Variants in CABIN1 observed in about 807,000 individuals in gnomAD.
CABIN1 encodes calcineurin-binding protein cabin-1.
A neutral mutation model predicts 227.7 loss-of-function variants in CABIN1; 133 were observed. The ratio of observed to expected loss-of-function variants is 0.58; its 90% CI spans 0.51 to 0.67. The LOEUF (loss-of-function observed/expected upper bound fraction) is 0.67. Among genes scored for constraint, CABIN1 ranks in the 30% least tolerant of loss-of-function variants. The probability of loss-of-function intolerance (pLI) is 0.00; values close to 1 mark genes in which losing one functional copy is unlikely to be tolerated. For synonymous variants in CABIN1, 1,086 were observed against 1,155.1 expected, an observed-to-expected ratio of 0.94 and a Z score of 1.21; for missense variants, 2,408 against 2,852.5, an observed-to-expected ratio of 0.84 and a Z score of 3.55.
chr22:24,085,226 T>C (rs2041074329), intron 22 of CABIN1, 75 bp downstream of exon 22: 5 of 1,495,870 alleles, frequency 3.3e-6, no homozygotes, highest in African/African-American at 1.4e-5. Context: ...AGCTCTTCAG[T>C]GGGCCACTTT....
chr22:24,081,914 C>G (rs1409295066), intron 19 of CABIN1, among the ~76,000 whole-genome samples: 1 of 152,032 alleles, frequency 6.6e-6, no homozygotes, highest in Non-Finnish European at 1.5e-5. Flanking sequence ...GTAGTCCTAG[C>G]TACTTGGGAG....
At chr22:24,074,740 C>G (rs1454691118) in intron 18 of CABIN1, among the ~76,000 whole-genome samples, 1 of 152,172 alleles carries the variant, frequency 6.6e-6, no homozygotes, top group Non-Finnish European at 1.5e-5. Context: ...GCGGAGGAAG[C>G]AGAATTGGGC....
chr22:24,166,595 G>A (rs1427544722), intron 31 of CABIN1, 44 bp from the exon 32 acceptor site: 2 of 1,611,586 alleles, frequency 1.2e-6, no homozygotes, highest in South Asian at 1.1e-5. Context: ...TCATTGCAGT[G>A]GAGACACCAG....
chr22:24,109,312 C>T (rs2042685034), intron 26 of CABIN1, among the ~76,000 whole-genome samples: 1 of 151,476 alleles, frequency 6.6e-6, no homozygotes, highest in South Asian at 2.1e-4. Context: ...GCAGCCTCAA[C>T]CTCCTGGGCT....
At chr22:24,019,647 AC>A (rs1278185142) in intron 1 of CABIN1, among the ~76,000 whole-genome samples, 5 of 106,724 alleles carry the variant, frequency 4.7e-5, no homozygotes, top group Non-Finnish European at 9.6e-5. Flanking sequence ...GCTTTTCTTT[AC>A]CCTTTTTTTT....
Position 24,067,086 on chromosome 22 carries a change from C to T in CABIN1, c.2137C>T (p.Arg713Cys), listed in dbSNP as rs372897703. 1.9e-5 allele frequency: 31 copies of T among 1,614,068 alleles called. No individual in the cohort carries two copies. Among genetic ancestry groups the T allele is most frequent in the South Asian group, 8.8e-5 (8 of 91,094 alleles). The change falls in exon 16 of 37, where the codon CGC (arginine) becomes TGC (cysteine). Residue 713 changes from arginine (R) to cysteine (C), a missense_variant. Arg to Cys is a radical substitution (Grantham distance 180). This residue lies in a region of CABIN1 where 1,045 missense variants were observed against 1,168.4 expected (regional missense o/e 0.89). Coordinates refer to ENST00000263119, the MANE Select transcript of CABIN1 (RefSeq NM_012295.4). ...CTACAAGGCTGTTGTGCATCTGCTCCGCCCCACTTTGTGCACCAGTGGGTT... is the reference window on the plus strand; with the variant it reads ...CTACAAGGCTGTTGTGCATCTGCTCTGCCCCACTTTGTGCACCAGTGGGTT... ...GDYKAVVHLL[R>C]PTLCTSGFDR...
intron 7 of CABIN1, 143 bp downstream of exon 7, chr22:24,049,363 C>T (rs748416616): frequency 9.7e-7 from 1 of 1,029,136 alleles, no homozygotes; most frequent in Non-Finnish European, 1.5e-6. Flanking sequence ...AGCCCCTGAT[C>T]TAGTGAACTG....
intron 34 of CABIN1, chr22:24,175,836 C>G (rs1268056179): frequency 3.6e-6 from 2 of 557,974 alleles, no homozygotes; most frequent in South Asian, 4.0e-5. Flanking sequence ...CTCGAAGACT[C>G]AGGTGTGGCC....
chr22:24,014,845 A>G (rs1161146465), intron 1 of CABIN1, among the ~76,000 whole-genome samples: 1 of 152,154 alleles, frequency 6.6e-6, no homozygotes, highest in Non-Finnish European at 1.5e-5. Flanking sequence ...TAACTTTGGT[A>G]TCTGGATTAT....
chr22:24,034,478 C>A (rs1361208812), intron 1 of CABIN1, among the ~76,000 whole-genome samples: 1 of 152,146 alleles, frequency 6.6e-6, no homozygotes, highest in East Asian at 1.9e-4. Context: ...TTTATATGGA[C>A]ATACTTCATT....
intron 29 of CABIN1, among the ~76,000 whole-genome samples, chr22:24,150,331 G>A (rs2267066): frequency 0.25 from 37,883 of 152,138 alleles, 5,334 homozygotes; most frequent in East Asian, 0.39. Context: ...GGAGGCCTGC[G>A]CTGACCTTGC....
intron 1 of CABIN1, among the ~76,000 whole-genome samples, chr22:24,022,116 G>T (rs116423235): frequency 0.014 from 2,083 of 151,932 alleles, 45 homozygotes; most frequent in African/African-American, 0.047. Context: ...CCTTTTATTA[G>T]AATTTTTTTA....
rs181934556 is a variant in CABIN1, at chr22:24,113,713, C to T, written c.4265C>T (p.Thr1422Met). 21 of 1,613,920 alleles carry T rather than the reference C, an allele frequency of 1.3e-5. No individual in the cohort carries two copies. The highest frequency in any genetic ancestry group is 1.1e-4 in the African/African-American group (8 of 75,042). Reference protein sequence around the residue: ...LPILSSQAGATGKDLQGATEE... With the variant: ...LPILSSQAGAMGKDLQGATEE... ...ATTCTCAGTTCCCAAGCAGGAGCGA[C>T]GGGTAAAGATCTTCAGGGGGCCACA... The change falls in exon 27 of 37, where the codon ACG becomes ATG. Residue 1422 changes from threonine to methionine, a missense_variant. Transcript: ENST00000263119.
In CABIN1 at chr22:24,137,949, T is replaced by A. The variant is rs1300951372; in HGVS notation, c.4746+3534T>A. ...CACTGGGGTTTACTGCTTAGTCTAGTGGGAAGCAAAGGCAGTAGGTGGGTG... is the reference window on the plus strand; with the variant it reads ...CACTGGGGTTTACTGCTTAGTCTAGAGGGAAGCAAAGGCAGTAGGTGGGTG... On this transcript the variant is annotated intron_variant, in intron 29 of 36. Transcript: ENST00000263119. Among the ~76,000 whole-genome samples, 5 of 152,072 alleles carry A rather than the reference T, an allele frequency of 3.3e-5. No individual in the cohort carries two copies. The East Asian group carries it at 9.7e-4, about 29-fold the overall frequency.
intron 1 of CABIN1, among the ~76,000 whole-genome samples, chr22:24,028,279 A>G (rs2146757932): frequency 6.6e-6 from 1 of 152,368 alleles, no homozygotes; most frequent in South Asian, 2.1e-4. Context: ...TCAAAAACAC[A>G]GTACCTGTGA....
intron 33 of CABIN1, 172 bp downstream of exon 33, chr22:24,168,693 G>T (rs573058628): frequency 5.6e-6 from 4 of 710,460 alleles, no homozygotes; most frequent in African/African-American, 3.5e-5. Flanking sequence ...GCCATAGTGG[G>T]CAGGAACTTG....
At chr22:24,033,461 C>T (rs535723807) in intron 1 of CABIN1, among the ~76,000 whole-genome samples, 2 of 152,328 alleles carry the variant, frequency 1.3e-5, no homozygotes, top group African/African-American at 4.8e-5. Flanking sequence ...TGTCCAGCCC[C>T]TAGCAGTTAT....
chr22:24,083,068 A>C (rs985501965), intron 19 of CABIN1, among the ~76,000 whole-genome samples, 160 bp from the exon 20 acceptor site: 2 of 152,316 alleles, frequency 1.3e-5, no homozygotes, highest in Non-Finnish European at 2.9e-5. Context: ...CTTTTCCAGG[A>C]AACAGGTGTT....
At chr22:24,111,821 C>G (rs2042824111) in intron 26 of CABIN1, among the ~76,000 whole-genome samples, 1 of 152,158 alleles carries the variant, frequency 6.6e-6, no homozygotes, top group East Asian at 1.9e-4. Context: ...GTCTAGTGAC[C>G]TGTTTTCAAG....
Sources: gnomAD v4.1 joint callset for allele counts (sites outside exome capture counted in the v4.1 genomes callset) on GRCh38, gnomAD v4.1.1 for gene constraint, gnomAD v4.1.1 regional missense constraint, MANE v1.5 for transcripts, NCBI Gene and HGNC (gene_info 2026-07-23, HGNC 2026-07-21) for gene names.